MARCHF1: variants seen among roughly 807,000 people sequenced by gnomAD.
MARCHF1 encodes E3 ubiquitin-protein ligase MARCHF1.
A neutral mutation model predicts 54.2 loss-of-function variants in MARCHF1; 40 were observed. The observed-to-expected ratio is 0.74, with a 90% CI of 0.57 to 0.96. The LOEUF is 0.96. Ranked by LOEUF, MARCHF1 falls within the 40% of genes least tolerant of loss-of-function variation. The probability of loss-of-function intolerance (pLI) is 0.00; values close to 1 mark genes in which losing one functional copy is unlikely to be tolerated. For missense variants in MARCHF1, 586 were observed against 656.5 expected, an observed-to-expected ratio of 0.89 and a Z score of 1.17; for synonymous variants, 236 against 236.3, an observed-to-expected ratio of 1.00 and a Z score of 0.01.
chr4:163,858,841 TG>T (rs1749840967), intron 3 of MARCHF1, among the ~76,000 whole-genome samples: 1 of 152,220 alleles, frequency 6.6e-6, no homozygotes, highest in Non-Finnish European at 1.5e-5. Flanking sequence ...CCTAAAGACT[TG>T]GGGTTCCAAT....
At chr4:163,884,976 G>C (rs1305586559) in intron 3 of MARCHF1, among the ~76,000 whole-genome samples, 4 of 152,120 alleles carry the variant, frequency 2.6e-5, no homozygotes, top group African/African-American at 9.7e-5. Flanking sequence ...CTCTGCAGAT[G>C]GTGACATTTT....
In MARCHF1 at chr4:164,059,132, A is replaced by C. The variant is rs879327802; in HGVS notation, c.-248+52456T>G. ...ACAACAGATTCATCTAGTTGTATGC[A>C]GAAGGGAAATATAAGCTGCCAATTC... On this transcript the variant is annotated intron_variant, in intron 2 of 9. Transcript: ENST00000514618. Among the ~76,000 whole-genome samples the C allele has an allele frequency of 9.5e-4, 144 of 152,208 alleles. 1 individual carries two copies. Among genetic ancestry groups the C allele is most frequent in the Non-Finnish European group, 1.0e-4 (7 of 68,044 alleles).
At chr4:164,241,983 A>T (rs868695928) in intron 1 of MARCHF1, among the ~76,000 whole-genome samples, 13 of 152,322 alleles carry the variant, frequency 8.5e-5, no homozygotes, top group South Asian at 2.1e-4. Flanking sequence ...TCCTATGCCC[A>T]CGGAGACTCA....
At chr4:163,796,727 GT>G (rs1212660236) in intron 4 of MARCHF1, among the ~76,000 whole-genome samples, 23 of 151,526 alleles carry the variant, frequency 1.5e-4, no homozygotes, top group Admixed American at 2.6e-4. Flanking sequence ...CTATTCTGAT[GT>G]TTTTTTTCCC....
rs1459545381 is a variant in MARCHF1 at position 164,074,333 on chromosome 4, T to G, written c.-248+37255A>C. ...CTTGCTACAACAAGTTCCGAGTAAG[T>G]ATCCTCTGTTTGCTCTCATTCAAGT... On this transcript the variant is annotated intron_variant, in intron 2 of 9. Transcript: ENST00000514618. Among the ~76,000 whole-genome samples, 3 of 152,148 alleles carry G rather than the reference T, an allele frequency of 2.0e-5. No individual in the cohort carries two copies. The East Asian group carries it at 5.8e-4, about 30-fold the overall frequency.
rs1299657440 is a variant in MARCHF1, at chr4:163,628,904, CACAA to C, written c.163-15515_163-15512del. On this transcript the variant is annotated intron_variant, in intron 5 of 9. Coordinates refer to ENST00000514618, the MANE Select transcript of MARCHF1 (RefSeq NM_001394959.1). ...CACTGCTCAAGGAAATCAGAGAGGACACAAACAAATGGAAAAACATTCCATGCTC... is the reference window on the plus strand; with the variant it reads ...CACTGCTCAAGGAAATCAGAGAGGACACAAATGGAAAAACATTCCATGCTC... Among the ~76,000 whole-genome samples, 3 of 152,032 alleles carry C rather than the reference CACAA, an allele frequency of 2.0e-5. No homozygotes were observed. The East Asian group carries it at 5.8e-4, about 29-fold the overall frequency.
intron 5 of MARCHF1, among the ~76,000 whole-genome samples, chr4:163,658,519 G>T (rs1181566240): frequency 6.6e-6 from 1 of 151,920 alleles, no homozygotes; most frequent in Non-Finnish European, 1.5e-5. Context: ...AGAACCAGAA[G>T]TACCATTTGA....
At chr4:164,093,806 G>A (rs1340291636) in intron 2 of MARCHF1, among the ~76,000 whole-genome samples, 1 of 151,952 alleles carries the variant, frequency 6.6e-6, no homozygotes, top group Non-Finnish European at 1.5e-5. Context: ...TTAATGTATG[G>A]GTAAAATTTG....
At chr4:164,168,517 C>T (rs1197631680) in intron 1 of MARCHF1, among the ~76,000 whole-genome samples, 1 of 151,946 alleles carries the variant, frequency 6.6e-6, no homozygotes, top group Non-Finnish European at 1.5e-5. Flanking sequence ...TGTGTGTGTA[C>T]ATATATATAC....
intron 1 of MARCHF1, among the ~76,000 whole-genome samples, chr4:164,345,071 T>C (rs908399692): frequency 3.3e-5 from 5 of 152,174 alleles, no homozygotes; most frequent in African/African-American, 1.2e-4. Context: ...TAGTGCTCTA[T>C]ACCATTGTAG....
chr4:163,664,049 G>A (rs984377723), intron 5 of MARCHF1, among the ~76,000 whole-genome samples: 1 of 151,772 alleles, frequency 6.6e-6, no homozygotes, highest in African/African-American at 2.4e-5. Flanking sequence ...AAAATAAACC[G>A]AGTACTCTCA....
At chr4:164,205,046 TTATA>T (rs1731566445) in intron 1 of MARCHF1, among the ~76,000 whole-genome samples, 1 of 152,204 alleles carries the variant, frequency 6.6e-6, no homozygotes, top group Admixed American at 6.5e-5. Context: ...GTCTTAATTC[TTATA>T]TAGTGTTTTA....
chr4:163,995,912 C>A (rs1161889208), intron 2 of MARCHF1, among the ~76,000 whole-genome samples: 3 of 151,824 alleles, frequency 2.0e-5, no homozygotes, highest in South Asian at 4.2e-4. Context: ...TAAGTAAAAA[C>A]CAAAAATCAA....
At chr4:163,784,884 T>G (rs921849847) in intron 4 of MARCHF1, among the ~76,000 whole-genome samples, 1 of 152,108 alleles carries the variant, frequency 6.6e-6, no homozygotes, top group African/African-American at 2.4e-5. Context: ...GCTTTATATA[T>G]TCTTGACTTA....
At chr4:164,058,361 G>C (rs1754540557) in intron 2 of MARCHF1, among the ~76,000 whole-genome samples, 1 of 152,098 alleles carries the variant, frequency 6.6e-6, no homozygotes, top group Non-Finnish European at 1.5e-5. Flanking sequence ...CTTCAAATTT[G>C]ATACCATTAC....
intron 1 of MARCHF1, among the ~76,000 whole-genome samples, chr4:164,184,659 C>T (rs1730920369): frequency 1.3e-5 from 2 of 152,184 alleles, no homozygotes; most frequent in South Asian, 2.1e-4. Flanking sequence ...CATAATCAAA[C>T]ATGAATTCCC....
chr4:164,165,726 G>GA (rs1560935473), intron 1 of MARCHF1, among the ~76,000 whole-genome samples: 5 of 151,950 alleles, frequency 3.3e-5, no homozygotes. Context: ...TAATACTGGG[G>GA]TGGGCATTGA....
chr4:164,211,596 A>C (rs6821469), intron 1 of MARCHF1, among the ~76,000 whole-genome samples: 90,534 of 151,680 alleles, frequency 0.6, 27,467 homozygotes, highest in South Asian at 0.73. Flanking sequence ...AAATATGTAT[A>C]GAGTGTTTGC....
Position 164,373,819 on chromosome 4 carries a change from G to C in MARCHF1, c.-323+10051C>G, listed in dbSNP as rs191318425. 5.9e-5 allele frequency among the ~76,000 whole-genome samples: 9 copies of C among 152,242 alleles called. No individual in the cohort carries two copies. In the East Asian group the frequency reaches 1.7e-3, roughly 29 times the overall value. ...CACTGCTAAGTGAATAGGAGCCCAA[G>C]AGAGAATGAGTGGCTTGTCAGTTCA... is the stretch of plus-strand genomic sequence containing the variant. On this transcript the variant is annotated intron_variant, in intron 1 of 9. Coordinates refer to ENST00000514618, the MANE Select transcript of MARCHF1 (RefSeq NM_001394959.1).
Sources: allele counts gnomAD v4.1 joint callset (sites outside exome capture counted in the v4.1 genomes callset), GRCh38; gene constraint gnomAD v4.1.1; transcripts MANE v1.5; gene names NCBI Gene and HGNC (gene_info 2026-07-23, HGNC 2026-07-21).